Variants in UBE2QL1 observed in about 807,000 individuals in gnomAD.
UBE2QL1 encodes the protein ubiquitin conjugating enzyme E2 QL1.
In UBE2QL1, 5 loss-of-function variants were observed where a neutral mutation model predicts 12.6. That is an observed-to-expected ratio of 0.40 (90% CI 0.21 to 0.83). The LOEUF is 0.83. UBE2QL1 is among the 40% of genes least tolerant of loss of function. UBE2QL1 has a pLI of 0.37. For synonymous variants in UBE2QL1, 96 were observed against 94.5 expected, an observed-to-expected ratio of 1.02 and a Z score of -0.10; for missense variants, 99 against 222.6, an observed-to-expected ratio of 0.44 and a Z score of 3.53.
chr5:6,488,381 G>A (rs1734504326), intron 1 of UBE2QL1, among the ~76,000 whole-genome samples: 1 of 151,780 alleles, frequency 6.6e-6, no homozygotes, highest in African/African-American at 2.4e-5. Context: ...CTTTAGTTCA[G>A]GATTTTCAAA....
At chr5:6,464,156 C>G (rs538065520) in intron 1 of UBE2QL1, among the ~76,000 whole-genome samples, 1 of 152,220 alleles carries the variant, frequency 6.6e-6, no homozygotes, top group South Asian at 2.1e-4. Context: ...AATTGGGAAA[C>G]AGGCCTAGCA....
chr5:6,491,448 C>T lies in UBE2QL1; in HGVS notation c.*99C>T. ...GTGCATCCTCCACCCGTTTTTACTC[C>T]AGCCAGAACTGCATCCTGAATGCCC... On this transcript the variant is annotated 3_prime_UTR_variant, in exon 2 of 2. Coordinates refer to ENST00000399816, the MANE Select transcript of UBE2QL1 (RefSeq NM_001145161.3). The T allele has an allele frequency of 7.1e-7, 1 of 1,406,186 alleles. No homozygotes were observed. The highest frequency in any genetic ancestry group is 2.6e-5 in the East Asian group (1 of 38,850). 87.1% of individuals were successfully genotyped at this position (1,406,186 alleles called of 1,614,324 possible).
In UBE2QL1 at chr5:6,479,171, C is replaced by T. The variant is rs537299817; in HGVS notation, c.355-12047C>T. On this transcript the variant is annotated intron_variant, in intron 1 of 1. Transcript: ENST00000399816. This position sits in a 1 kb window ranked among gnomAD's most constrained non-coding sequence, Gnocchi z 4.2. Reference sequence around the variant, plus strand: ...GCTGAGTGAGCAGAGTCCCACCTGCCGGAACAAGAGGGCGAAAGTGAGAAT... The same window carrying T: ...GCTGAGTGAGCAGAGTCCCACCTGCTGGAACAAGAGGGCGAAAGTGAGAAT... 3.4e-4 allele frequency among the ~76,000 whole-genome samples: 51 copies of T among 151,924 alleles called. No individual in the cohort carries two copies. Among genetic ancestry groups the T allele is most frequent in the African/African-American group, 1.1e-3 (47 of 41,402 alleles).
chr5:6,449,868 A>ACCCCCCCC (rs5865654), intron 1 of UBE2QL1, among the ~76,000 whole-genome samples: 1 of 117,120 alleles, frequency 8.5e-6, no homozygotes, highest in Non-Finnish European at 1.8e-5. Flanking sequence ...CACCTCCCCA[A>ACCCCCCCC]CCCCCCCCAC....
intron 1 of UBE2QL1, among the ~76,000 whole-genome samples, chr5:6,472,090 T>C (rs1739923608): frequency 6.6e-6 from 1 of 152,214 alleles, no homozygotes; most frequent in African/African-American, 2.4e-5. Context: ...AGTGCTGTCC[T>C]CTGTGCCTTG....
At chr5:6,455,464 T>C (rs1013067509) in intron 1 of UBE2QL1, among the ~76,000 whole-genome samples, 1 of 152,110 alleles carries the variant, frequency 6.6e-6, no homozygotes, top group African/African-American at 2.4e-5. Flanking sequence ...CTGCCCTAGA[T>C]GTGTTGATGT....
At chr5:6,468,372 A>C (rs1739840430) in intron 1 of UBE2QL1, among the ~76,000 whole-genome samples, 1 of 152,194 alleles carries the variant, frequency 6.6e-6, no homozygotes, top group Non-Finnish European at 1.5e-5. Flanking sequence ...TGCTGTGTGC[A>C]CTGGCCTGAG....
intron 1 of UBE2QL1, among the ~76,000 whole-genome samples, chr5:6,454,101 C>G (rs1739469318): frequency 2.6e-5 from 4 of 152,018 alleles, no homozygotes; most frequent in Admixed American, 2.6e-4. Flanking sequence ...CAGCTGGTCT[C>G]AAATTCCTGG....
intron 1 of UBE2QL1, among the ~76,000 whole-genome samples, chr5:6,473,753 TTCAAATA>T (rs1219534125): frequency 6.6e-6 from 1 of 152,238 alleles, no homozygotes; most frequent in Non-Finnish European, 1.5e-5. Flanking sequence ...TTTTTGCTGC[TTCAAATA>T]TGGAGATTGA....
chr5:6,486,650 C>T (rs1456568170), intron 1 of UBE2QL1, among the ~76,000 whole-genome samples: 1 of 152,176 alleles, frequency 6.6e-6, no homozygotes, highest in African/African-American at 2.4e-5. Flanking sequence ...TCTGAAGTCC[C>T]GGTCACCAGC....
intron 1 of UBE2QL1, among the ~76,000 whole-genome samples, chr5:6,461,536 A>ACCCCCCCCCCCCCCC (rs1489545549): frequency 2.5e-4 from 9 of 36,224 alleles, no homozygotes; most frequent in East Asian, 2.2e-3. Context: ...GTTTTTCAGC[A>ACCCCCCCCCCCCCCC]CCCACCACCC....
intron 1 of UBE2QL1, among the ~76,000 whole-genome samples, chr5:6,454,237 CA>C (rs1292397142): frequency 6.6e-6 from 1 of 152,150 alleles, no homozygotes; most frequent in Non-Finnish European, 1.5e-5. Flanking sequence ...GCTGCCATAA[CA>C]GAGGACCTGG....
chr5:6,491,156 G>C, intron 1 of UBE2QL1, 62 bp from the exon 2 acceptor site: 1 of 1,463,624 alleles, frequency 6.8e-7, no homozygotes, highest in Non-Finnish European at 9.1e-7. Context: ...TTTTAATAAA[G>C]ATGGTAGGAA....
chr5:6,484,147 G>A (rs1168431300), intron 1 of UBE2QL1, among the ~76,000 whole-genome samples: 1 of 152,190 alleles, frequency 6.6e-6, no homozygotes, highest in Admixed American at 6.5e-5. Flanking sequence ...GTGTCTGAAC[G>A]ATGAAAGGAA....
chr5:6,463,171 G>A (rs1029952173), intron 1 of UBE2QL1, among the ~76,000 whole-genome samples: 1 of 152,156 alleles, frequency 6.6e-6, no homozygotes, highest in African/African-American at 2.4e-5. Flanking sequence ...AAATTAGTAA[G>A]TCATGATGTT....
intron 1 of UBE2QL1, among the ~76,000 whole-genome samples, chr5:6,485,278 C>T (rs921945246): frequency 6.6e-5 from 10 of 152,168 alleles, no homozygotes; most frequent in African/African-American, 2.4e-4. Context: ...TTGTCAGTGG[C>T]TTCAGTGTCA....
chr5:6,448,891 C>A lies in UBE2QL1; in HGVS notation c.-3C>A. 6.6e-7 allele frequency: 1 copy of A among 1,514,248 alleles called. No homozygotes were observed. The highest frequency in any genetic ancestry group is 8.9e-7 in the Non-Finnish European group (1 of 1,129,622). 93.8% of individuals were successfully genotyped at this position (1,514,248 alleles called of 1,614,324 possible). On this transcript the variant is annotated 5_prime_UTR_variant, in exon 1 of 2. Coordinates refer to ENST00000399816, the MANE Select transcript of UBE2QL1 (RefSeq NM_001145161.3). The stretch of plus-strand genomic sequence containing the variant: ...CTGCACGCAGGTGCGCAGCCGGCGG[C>A]TCATGAAGGAGCTGCAGGACATCGC...
intron 1 of UBE2QL1, among the ~76,000 whole-genome samples, chr5:6,455,269 C>A (rs1347951143): frequency 6.6e-6 from 1 of 152,122 alleles, no homozygotes; most frequent in Non-Finnish European, 1.5e-5. Flanking sequence ...TCAGTGTCTC[C>A]CTTCTCATCG....
At chr5:6,469,662 C>T (rs1447755951) in intron 1 of UBE2QL1, among the ~76,000 whole-genome samples, 3 of 151,252 alleles carry the variant, frequency 2.0e-5, no homozygotes, top group Non-Finnish European at 4.4e-5. Context: ...TTTATTCAAA[C>T]AGTATACACT....
Sources: allele counts gnomAD v4.1 joint callset (sites outside exome capture counted in the v4.1 genomes callset), GRCh38; gene constraint gnomAD v4.1.1; non-coding constraint Gnocchi (gnomAD v3.1); transcripts MANE v1.5; gene names NCBI Gene and HGNC (gene_info 2026-07-23, HGNC 2026-07-21).